The following EPRS1 variants were observed in gnomAD, a reference collection of about 807,000 sequenced individuals.
EPRS1 encodes the protein bifunctional glutamate/proline--tRNA ligase.
A neutral mutation model predicts 188.3 loss-of-function variants in EPRS1; 107 were observed. That is an observed-to-expected ratio of 0.57 (90% confidence interval 0.49 to 0.67). The LOEUF is 0.67. Ranked by LOEUF, EPRS1 falls within the 30% of genes least tolerant of loss-of-function variation. The pLI, the probability that EPRS1 is intolerant of heterozygous loss-of-function variation, is 0.00. For missense variants in EPRS1, 1,577 were observed against 1,802.2 expected, an observed-to-expected ratio of 0.88 and a Z score of 2.26; for synonymous variants, 596 against 593.1, an observed-to-expected ratio of 1.00 and a Z score of -0.07.
At chr1:220,037,681 G>A (rs1662213164) in intron 2 of EPRS1, among the ~76,000 whole-genome samples, 1 of 151,856 alleles carries the variant, frequency 6.6e-6, no homozygotes, top group African/African-American at 2.4e-5. Flanking sequence ...AATGAAAGAG[G>A]CAACCAAATG....
At chr1:220,044,867 T>C (rs140129111) in intron 1 of EPRS1, among the ~76,000 whole-genome samples, 250 of 152,254 alleles carry the variant, frequency 1.6e-3, no homozygotes, top group Middle Eastern at 0.01. Context: ...GCAGCCAGGA[T>C]TGGACTCAGG....
At position 219,978,727 on chromosome 1, in the gene EPRS1, C is replaced by T; in HGVS notation, c.3910-8G>A. ...ACAAGGAATAATCACCACCTAGAAT[C>T]AGCACAATGTCCCAAATGTATGCAA... On this transcript the variant is annotated splice_region_variant and splice_polypyrimidine_tract_variant and intron_variant, in intron 27 of 31. Transcript: ENST00000366923. 3 of 1,604,564 alleles carry T rather than the reference C, an allele frequency of 1.9e-6. No individual in the cohort carries two copies. The highest frequency in any genetic ancestry group is 8.5e-7 in the Non-Finnish European group (1 of 1,174,892).
chr1:219,996,686 GC>G (rs1661240607), intron 18 of EPRS1, among the ~76,000 whole-genome samples: 1 of 152,060 alleles, frequency 6.6e-6, no homozygotes, highest in South Asian at 2.1e-4. Context: ...CACCTTTGTT[GC>G]CACTTAAGAA....
intron 17 of EPRS1, among the ~76,000 whole-genome samples, chr1:220,000,476 T>C (rs1286717790): frequency 6.6e-6 from 1 of 152,254 alleles, no homozygotes; most frequent in Non-Finnish European, 1.5e-5. Context: ...TTAAGTCAGA[T>C]ATTAAAGAGA....
At chr1:219,970,535 T>C (rs1224751951) in intron 30 of EPRS1, among the ~76,000 whole-genome samples, 3 of 151,838 alleles carry the variant, frequency 2.0e-5, no homozygotes, top group Non-Finnish European at 2.9e-5. Context: ...TCCCAGCACT[T>C]TGGGAGGCCA....
intron 13 of EPRS1, among the ~76,000 whole-genome samples, chr1:220,007,630 C>G (rs1373644476): frequency 2.0e-5 from 3 of 152,204 alleles, no homozygotes; most frequent in African/African-American, 7.2e-5. Flanking sequence ...AGCAACCTGA[C>G]CACTAATGTT....
intron 12 of EPRS1, among the ~76,000 whole-genome samples, chr1:220,016,408 ATTTTCTTTTTT>A (rs753891471): frequency 8.7e-5 from 13 of 148,948 alleles, no homozygotes; most frequent in Admixed American, 1.3e-4. Flanking sequence ...AAAAAAATTA[ATTTTCTTTTTT>A]TTTTCTTTTG....
chr1:220,027,315 C>T (rs1320147162), intron 6 of EPRS1, among the ~76,000 whole-genome samples: 3 of 152,014 alleles, frequency 2.0e-5, no homozygotes, highest in Non-Finnish European at 2.9e-5. Flanking sequence ...GTAGTCCCAG[C>T]TACCTGGGAG....
At chr1:220,002,961 T>C (rs1233533572) in intron 16 of EPRS1, among the ~76,000 whole-genome samples, 1 of 152,256 alleles carries the variant, frequency 6.6e-6, no homozygotes, top group Non-Finnish European at 1.5e-5. Context: ...CACATTTTTG[T>C]GTGAACATGT....
In EPRS1 at chr1:219,987,163, T is replaced by C; in HGVS notation, c.3017A>G (p.Gln1006Arg). 3 of 1,612,838 alleles carry C rather than the reference T, an allele frequency of 1.9e-6. No homozygotes were observed. Among genetic ancestry groups the C allele is most frequent in the South Asian group, 1.1e-5 (1 of 90,768 alleles). ...GLSSSGAGEG[Q>R]GPKKQTRLGL... ...TTACCTGGTCTGTTTCTTAGGCCCC[T>C]GCCCTTCTCCTGCTCCACTTGATGA... Residue 1006 changes from glutamine (Q) to arginine (R), a missense_variant, in exon 20 of 32, where the codon CAG becomes CGG. Physicochemically the swap from Gln to Arg is conservative, Grantham distance 43. This residue lies in a region of EPRS1 where 1,278 missense variants were observed against 1,457.4 expected (regional missense o/e 0.88). Transcript: ENST00000366923.
rs761131320 is a variant in EPRS1 at position 219,988,618 on chromosome 1, C to A, written c.2747G>T (p.Arg916Leu). 2 of 1,613,044 alleles carry A rather than the reference C, an allele frequency of 1.2e-6. No homozygotes were observed. The highest frequency in any genetic ancestry group is 2.7e-5 in the African/African-American group (2 of 74,844). ...DKVASQGEVV[R>L]KLKTEKAPKD... Reference sequence around the variant, plus strand: ...AGGGGCTTTTTCAGTTTTAAGTTTCCGAACTACTTCCCCTTGAGAAGCTAC... The same window carrying A: ...AGGGGCTTTTTCAGTTTTAAGTTTCAGAACTACTTCCCCTTGAGAAGCTAC... Residue 916 changes from arginine (R) to leucine (L), a missense_variant, in exon 19 of 32, where the codon CGG becomes CTG. Transcript: ENST00000366923.
At position 220,033,397 on chromosome 1, in the gene EPRS1, A is replaced by G. The variant is rs1662120997; in HGVS notation, c.388+105T>C. 3.9e-6 allele frequency: 3 copies of G among 762,934 alleles called. No homozygotes were observed. In the East Asian group the frequency reaches 8.0e-5, roughly 20 times the overall value. 47.3% of individuals were successfully genotyped at this position (762,934 alleles called of 1,614,324 possible). A position where few individuals can be genotyped will look rare whatever the true frequency, so the allele number is the denominator to read the frequency against. ...CCTAAGTTACTGTCTAAACATATAT[A>G]TACACACACATATACATACATGCAT... On this transcript the variant is annotated intron_variant, in intron 4 of 31. Transcript: ENST00000366923.
chr1:220,033,788 A>C, intron 3 of EPRS1, 130 bp from the exon 4 acceptor site: 1 of 627,826 alleles, frequency 1.6e-6, no homozygotes. Flanking sequence ...CTCAAATTAT[A>C]CAATTTATCA....
At chr1:220,014,994 G>C in intron 12 of EPRS1, among the ~76,000 whole-genome samples, 1 of 152,264 alleles carries the variant, frequency 6.6e-6, no homozygotes, top group African/African-American at 2.4e-5. Context: ...TGGAACTATA[G>C]TAGCATAAAT....
Position 220,046,451 on chromosome 1 carries a change from C to T in EPRS1, c.-63G>A. 1 of 1,603,866 alleles carries T rather than the reference C, an allele frequency of 6.2e-7. No individual in the cohort carries two copies. The highest frequency in any genetic ancestry group is 1.7e-5 in the Admixed American group (1 of 58,482). On this transcript the variant is annotated 5_prime_UTR_variant, in exon 1 of 32. Transcript: ENST00000366923. ...GCTCGTGCCAGAACTACGGAGGACC[C>T]CGCGAAAGGAAGAAGATGCAACGTG... is the stretch of plus-strand genomic sequence containing the variant.
intron 1 of EPRS1, among the ~76,000 whole-genome samples, chr1:220,044,386 C>T (rs977154200): frequency 3.9e-5 from 6 of 152,066 alleles, no homozygotes; most frequent in African/African-American, 1.4e-4. Flanking sequence ...CTGTAATACA[C>T]TACAGAAACA....
At chr1:220,044,808 T>C (rs1662370349) in intron 1 of EPRS1, among the ~76,000 whole-genome samples, 1 of 151,098 alleles carries the variant, frequency 6.6e-6, no homozygotes, top group Non-Finnish European at 1.5e-5. Context: ...AAGGAAACTA[T>C]GGGAGAAGCT....
chr1:220,011,534 G>A (rs569837826), intron 12 of EPRS1, among the ~76,000 whole-genome samples: 2 of 152,098 alleles, frequency 1.3e-5, no homozygotes, highest in South Asian at 4.1e-4. Flanking sequence ...AATAGCATTC[G>A]GTCACTATAA....
Position 219,987,094 on chromosome 1 carries a change from G to T in EPRS1, c.3038+48C>A, listed in dbSNP as rs763203789. 1.0e-5 allele frequency: 16 copies of T among 1,567,030 alleles called. No homozygotes were observed. The East Asian group carries it at 3.6e-4, about 35-fold the overall frequency. The stretch of plus-strand genomic sequence containing the variant: ...TTTGTTTTAAAAACTATTAAGAATT[G>T]AATTAATTCACTGCTTTGCTTCAAA... On this transcript the variant is annotated intron_variant, in intron 20 of 31. Coordinates refer to ENST00000366923, the MANE Select transcript of EPRS1 (RefSeq NM_004446.3).
Sources: gnomAD v4.1 joint callset for allele counts (sites outside exome capture counted in the v4.1 genomes callset) on GRCh38, gnomAD v4.1.1 for gene constraint, gnomAD v4.1.1 regional missense constraint, MANE v1.5 for transcripts, NCBI Gene and HGNC (gene_info 2026-07-23, HGNC 2026-07-21) for gene names.